Variants in FOLH1 observed in about 807,000 individuals in gnomAD.
FOLH1 encodes folate hydrolase 1, also known as glutamate carboxypeptidase 2.
FOLH1 carries 54 observed loss-of-function variants against 93.9 expected under a neutral mutation model. The observed-to-expected ratio is 0.57, with a 90% confidence interval of 0.46 to 0.72. The LOEUF is 0.72. Ranked by LOEUF, FOLH1 falls within the 30% of genes least tolerant of loss-of-function variation. FOLH1 has a pLI of 0.00. For missense variants in FOLH1, 571 were observed against 892.5 expected (o/e 0.64, Z 4.59); for synonymous variants, 249 against 303.6 (o/e 0.82, Z 1.87).
intron 3 of FOLH1, among the ~76,000 whole-genome samples, chr11:49,195,695 G>A (rs953826295): frequency 5.9e-5 from 9 of 151,790 alleles, no homozygotes; most frequent in African/African-American, 1.9e-4. Context: ...TAGCAAAAGC[G>A]CAAACAAATA....
intron 5 of FOLH1, 56 bp downstream of exon 5, chr11:49,186,588 C>T (rs775348545): frequency 5.1e-5 from 79 of 1,542,786 alleles, no homozygotes; most frequent in Non-Finnish European, 6.6e-5. Flanking sequence ...ACATGTAAAA[C>T]CCACTATAAC....
intron 11 of FOLH1, among the ~76,000 whole-genome samples, chr11:49,169,820 C>T (rs894615143): frequency 1.3e-5 from 2 of 152,018 alleles, no homozygotes; most frequent in Non-Finnish European, 2.9e-5. Context: ...CAAAGCGTAG[C>T]AAAGTTTTTT....
chr11:49,150,743 A>G (rs1856416662), intron 17 of FOLH1, among the ~76,000 whole-genome samples: 1 of 152,192 alleles, frequency 6.6e-6, no homozygotes, highest in Non-Finnish European at 1.5e-5. Context: ...GATTCAATAT[A>G]ATTGAAAGTT....
chr11:49,177,035 C>T (rs1860135902), intron 7 of FOLH1, among the ~76,000 whole-genome samples: 1 of 152,196 alleles, frequency 6.6e-6, no homozygotes, highest in African/African-American at 2.4e-5. Flanking sequence ...TTCTTCTGTG[C>T]CTGTACACGG....
At chr11:49,206,698 A>G (rs1864009419) in intron 1 of FOLH1, 1 of 1,370,898 alleles carries the variant, frequency 7.3e-7, no homozygotes, top group African/African-American at 1.4e-5. Context: ...CTAAAACAAA[A>G]TGCTGTGAGA....
At chr11:49,196,137 G>C (rs1447049039) in intron 3 of FOLH1, among the ~76,000 whole-genome samples, 3 of 152,166 alleles carry the variant, frequency 2.0e-5, no homozygotes, top group Non-Finnish European at 4.4e-5. Context: ...CTGGGTGACA[G>C]AGTAAGACTC....
intron 7 of FOLH1, among the ~76,000 whole-genome samples, chr11:49,182,872 G>A: frequency 6.6e-6 from 1 of 151,980 alleles, no homozygotes; most frequent in East Asian, 1.9e-4. Flanking sequence ...AAAATATAGT[G>A]GGGTTTCAAA....
In FOLH1 at chr11:49,173,334, T is replaced by G. The variant is rs767775683; in HGVS notation, c.1225+23A>C. ...CTGAGACTCAGATAGGCTGTTTTTT[T>G]TCTTGCTGTTTGTTTGTATTACCTT... On this transcript the variant is annotated intron_variant, in intron 10 of 18. Transcript: ENST00000256999. The G allele has an allele frequency of 5.0e-6, 8 of 1,601,936 alleles. No individual in the cohort carries two copies. The African/African-American group carries it at 9.4e-5, about 19-fold the overall frequency.
At chr11:49,153,636 A>G (rs1183103348) in intron 17 of FOLH1, among the ~76,000 whole-genome samples, 1 of 152,172 alleles carries the variant, frequency 6.6e-6, no homozygotes, top group Non-Finnish European at 1.5e-5. Context: ...GTGGAAAGAC[A>G]GAAAACAGCA....
At chr11:49,170,917 A>G (rs895677928) in intron 11 of FOLH1, among the ~76,000 whole-genome samples, 1 of 152,196 alleles carries the variant, frequency 6.6e-6, no homozygotes, top group South Asian at 2.1e-4. Context: ...GGTTTCTAGC[A>G]TATCTACTTA....
intron 18 of FOLH1, 26 bp downstream of exon 18, chr11:49,148,613 A>C (rs1211876708): frequency 6.8e-7 from 1 of 1,473,694 alleles, no homozygotes; most frequent in Admixed American, 2.2e-5. Context: ...GATATTACAG[A>C]AAGGAGTCAT....
chr11:49,208,466 C>A lies in FOLH1; in HGVS notation c.-57G>T, dbSNP rs1350510516. On this transcript the variant is annotated 5_prime_UTR_variant, in exon 1 of 19. Transcript: ENST00000256999. ...CCGCGCCTGTGCTGCTGCTCTACTGCGCGCCCTCCAACCACCACGGCGGGG... is the reference window on the plus strand; with the variant it reads ...CCGCGCCTGTGCTGCTGCTCTACTGAGCGCCCTCCAACCACCACGGCGGGG... 1.3e-5 allele frequency: 16 copies of A among 1,246,618 alleles called. No homozygotes were observed. Among genetic ancestry groups the A allele is most frequent in the Non-Finnish European group, 1.8e-5 (16 of 884,226 alleles). 77.2% of individuals were successfully genotyped at this position (1,246,618 alleles called of 1,614,324 possible).
chr11:49,169,148 G>T, intron 12 of FOLH1, 47 bp downstream of exon 12: 7 of 1,583,866 alleles, frequency 4.4e-6, no homozygotes, highest in Non-Finnish European at 6.1e-6. Context: ...CTAGACTGCT[G>T]CTCCTAGTTT....
chr11:49,161,471 A>G lies in FOLH1; in HGVS notation c.1440+3234T>C, dbSNP rs529340742. On this transcript the variant is annotated intron_variant, in intron 13 of 18. Coordinates refer to ENST00000256999, the MANE Select transcript of FOLH1 (RefSeq NM_004476.3). The stretch of plus-strand genomic sequence containing the variant: ...CAACTCCTGCATTTTTCTGTTTTCT[A>G]TTTGCTTGGTAGACTTTCCTTCATC... 5.9e-5 allele frequency among the ~76,000 whole-genome samples: 9 copies of G among 151,784 alleles called. No individual in the cohort carries two copies. The South Asian group carries it at 1.7e-3, about 28-fold the overall frequency.
intron 13 of FOLH1, among the ~76,000 whole-genome samples, chr11:49,164,410 A>G (rs1426181148): frequency 6.6e-6 from 1 of 152,198 alleles, no homozygotes; most frequent in East Asian, 1.9e-4. Flanking sequence ...CGGCTACCGT[A>G]CAAGTTGTGT....
chr11:49,168,906 G>C (rs1858821692), intron 12 of FOLH1, among the ~76,000 whole-genome samples: 1 of 152,002 alleles, frequency 6.6e-6, no homozygotes, highest in Non-Finnish European at 1.5e-5. Context: ...AAAGAATGCT[G>C]CTTTTCTGAA....
chr11:49,183,245 G>GAA lies in FOLH1; in HGVS notation c.827-5_827-4dup. 12 of 1,498,224 alleles carry GAA rather than the reference G, an allele frequency of 8.0e-6. No individual in the cohort carries two copies. The highest frequency in any genetic ancestry group is 3.8e-5 in the South Asian group (3 of 79,066). The allele number at this position is 1,498,224 out of a possible 1,614,324, so 92.8% of individuals were successfully genotyped here. On this transcript the variant is annotated splice_region_variant and splice_polypyrimidine_tract_variant and intron_variant, in intron 6 of 18. Transcript: ENST00000256999. The stretch of plus-strand genomic sequence containing the variant: ...AATTCCACGCCTATAAGCATATTCT[G>GAA]AAAAAAAAAATTGCCATATTTCCAG...
intron 3 of FOLH1, among the ~76,000 whole-genome samples, 195 bp downstream of exon 3, chr11:49,200,060 T>C (rs1863101482): frequency 6.6e-6 from 1 of 152,188 alleles, no homozygotes; most frequent in South Asian, 2.1e-4. Flanking sequence ...CTCGAATCTT[T>C]CTAAAACACA....
At chr11:49,203,006 A>G (rs1590701793) in intron 2 of FOLH1, among the ~76,000 whole-genome samples, 2 of 152,228 alleles carry the variant, frequency 1.3e-5, no homozygotes, top group African/African-American at 4.8e-5. Flanking sequence ...AAATGTGTAA[A>G]TTCTTATTCT....
Sources: allele counts gnomAD v4.1 joint callset (sites outside exome capture counted in the v4.1 genomes callset), GRCh38; gene constraint gnomAD v4.1.1; transcripts MANE v1.5; gene names NCBI Gene and HGNC (gene_info 2026-07-23, HGNC 2026-07-21).